The following NRG3 variants were observed in gnomAD, a reference collection of about 807,000 sequenced individuals.
NRG3 encodes neuregulin 3.
In NRG3, 31 loss-of-function variants were observed where a neutral mutation model predicts 66.9. The observed-to-expected ratio is 0.46, with a 90% confidence interval of 0.35 to 0.63. NRG3 has a LOEUF of 0.63. Ranked by LOEUF, NRG3 falls within the 20% of genes least tolerant of loss-of-function variation. The probability of loss-of-function intolerance (pLI) is 0.00; values close to 1 mark genes in which losing one functional copy is unlikely to be tolerated. For synonymous variants in NRG3, 393 were observed against 359.4 expected (o/e 1.09, Z -1.06); for missense variants, 910 against 878.9 (o/e 1.04, Z -0.45).
At chr10:82,145,486 T>C (rs1399875705) in intron 1 of NRG3, among the ~76,000 whole-genome samples, 1 of 152,214 alleles carries the variant, frequency 6.6e-6, no homozygotes. Flanking sequence ...AAATGTATAA[T>C]GTACCTGACA....
At chr10:82,722,946 C>T (rs2057392736) in intron 2 of NRG3, among the ~76,000 whole-genome samples, 2 of 152,044 alleles carry the variant, frequency 1.3e-5, no homozygotes, top group South Asian at 4.1e-4. Flanking sequence ...TACTGTTCAA[C>T]CCACCCGTCC....
chr10:82,379,955 A>C (rs929171831), intron 2 of NRG3, among the ~76,000 whole-genome samples: 18 of 151,882 alleles, frequency 1.2e-4, no homozygotes, highest in African/African-American at 4.3e-4. Flanking sequence ...AAAGCCACAA[A>C]TTCAACTACT....
chr10:82,885,002 T>C (rs1050030129), intron 4 of NRG3, among the ~76,000 whole-genome samples: 16 of 152,310 alleles, frequency 1.1e-4, no homozygotes, highest in Admixed American at 1.3e-4. Context: ...GGATGTCCCT[T>C]ATTTATTGTT....
At chr10:82,878,400 G>T (rs1397991044) in intron 4 of NRG3, among the ~76,000 whole-genome samples, 1 of 152,242 alleles carries the variant, frequency 6.6e-6, no homozygotes, top group Non-Finnish European at 1.5e-5. Context: ...GAGTTTGCCT[G>T]AAGGCACTGA....
At chr10:82,891,327 A>G (rs1843130957) in intron 4 of NRG3, among the ~76,000 whole-genome samples, 1 of 151,858 alleles carries the variant, frequency 6.6e-6, no homozygotes. Context: ...GTCCTCTTTA[A>G]TGTTTTCCAA....
intron 2 of NRG3, among the ~76,000 whole-genome samples, chr10:82,576,425 T>C (rs994118062): frequency 6.6e-6 from 1 of 151,584 alleles, no homozygotes; most frequent in Non-Finnish European, 1.5e-5. Flanking sequence ...ATATAATCTT[T>C]CCAATGGGCC....
chr10:82,963,686 A>C (rs986947814), intron 6 of NRG3, among the ~76,000 whole-genome samples: 5 of 152,132 alleles, frequency 3.3e-5, no homozygotes, highest in Non-Finnish European at 4.4e-5. Flanking sequence ...TCTCAAAAAA[A>C]AATAAAAAAG....
chr10:82,360,015 G>C lies in NRG3; in HGVS notation c.953+1147G>C, dbSNP rs573739224. 7.9e-5 allele frequency among the ~76,000 whole-genome samples: 12 copies of C among 152,286 alleles called. No homozygotes were observed. The East Asian group carries it at 2.1e-3, about 27-fold the overall frequency. ...ATACGTGATATAGTAGGAGGGCTCTGTAAAAGTTACCATATGTCCTGTGTC... is the reference window on the plus strand; with the variant it reads ...ATACGTGATATAGTAGGAGGGCTCTCTAAAAGTTACCATATGTCCTGTGTC... On this transcript the variant is annotated intron_variant, in intron 2 of 8. Transcript: ENST00000372141.
intron 2 of NRG3, among the ~76,000 whole-genome samples, chr10:82,674,620 G>T (rs1316138987): frequency 6.6e-6 from 1 of 152,110 alleles, no homozygotes; most frequent in Non-Finnish European, 1.5e-5. Context: ...TCTACTAGGA[G>T]GATGGTTCAT....
At chr10:82,726,395 G>A (rs1298767120) in intron 2 of NRG3, among the ~76,000 whole-genome samples, 1 of 152,124 alleles carries the variant, frequency 6.6e-6, no homozygotes, top group African/African-American at 2.4e-5. Context: ...GGGACCCAGT[G>A]GGAGGTAATT....
At chr10:82,206,533 G>A (rs12255352) in intron 1 of NRG3, among the ~76,000 whole-genome samples, 2,328 of 152,252 alleles carry the variant, frequency 0.015, 64 homozygotes, top group African/African-American at 0.053. Context: ...TCTTGAGATA[G>A]ATTTCTCTTG....
chr10:82,287,292 G>A (rs955489409), intron 1 of NRG3, among the ~76,000 whole-genome samples: 2 of 152,010 alleles, frequency 1.3e-5, no homozygotes, highest in African/African-American at 4.8e-5. Context: ...TCTTGTGCCT[G>A]TTTTCGCCTG....
chr10:82,013,156 G>C (rs1035939649), intron 1 of NRG3, among the ~76,000 whole-genome samples: 3 of 152,160 alleles, frequency 2.0e-5, no homozygotes, highest in African/African-American at 7.2e-5. Context: ...GGCTTGGGAG[G>C]CCTCACAAGC....
At position 81,876,163 on chromosome 10, in the gene NRG3, C is replaced by A. The variant is rs772528913; in HGVS notation, c.823C>A (p.His275Asn). Residue 275 changes from histidine (H) to asparagine (N), a missense_variant and splice_region_variant, in exon 1 of 9, where the codon CAT becomes AAT. His to Asn is a moderately conservative substitution (Grantham distance 68). Transcript: ENST00000372141. ...TPETSTSPKF[H>N]TTTYSTERSE... is the part of the protein sequence containing the mutation. ...AGAAACTAGCACCAGCCCCAAATTT[C>A]GTAAGTAAACACTGTGTCTCAACTA... 6.4e-7 allele frequency: 1 copy of A among 1,574,464 alleles called. No homozygotes were observed. Among genetic ancestry groups the A allele is most frequent in the East Asian group, 2.4e-5 (1 of 42,536 alleles).
intron 2 of NRG3, among the ~76,000 whole-genome samples, chr10:82,675,358 A>G (rs1347380751): frequency 6.6e-6 from 1 of 152,060 alleles, no homozygotes; most frequent in Non-Finnish European, 1.5e-5. Context: ...GTTATGGGAA[A>G]TGTTCCTCCT....
At chr10:82,498,841 T>C (rs1437544083) in intron 2 of NRG3, among the ~76,000 whole-genome samples, 1 of 152,068 alleles carries the variant, frequency 6.6e-6, no homozygotes, top group Non-Finnish European at 1.5e-5. Context: ...ACTTACAGAA[T>C]TTTTTTCGGT....
chr10:82,787,738 G>A (rs554383152), intron 3 of NRG3, among the ~76,000 whole-genome samples: 1 of 152,154 alleles, frequency 6.6e-6, no homozygotes, highest in Non-Finnish European at 1.5e-5. Flanking sequence ...TCTTTTTTCA[G>A]TGTGTAGGAA....
chr10:82,800,151 G>A (rs544787050), intron 3 of NRG3, among the ~76,000 whole-genome samples: 7 of 151,964 alleles, frequency 4.6e-5, no homozygotes, highest in African/African-American at 1.2e-4. Context: ...TGTCTCTATC[G>A]CCTTCTAGAC....
At chr10:82,265,179 G>A (rs1414726757) in intron 1 of NRG3, among the ~76,000 whole-genome samples, 1 of 152,144 alleles carries the variant, frequency 6.6e-6, no homozygotes, top group Admixed American at 6.5e-5. Context: ...TCACTTGAGG[G>A]CTCTAATTAT....
Sources: allele counts gnomAD v4.1 joint callset (sites outside exome capture counted in the v4.1 genomes callset), GRCh38; gene constraint gnomAD v4.1.1; transcripts MANE v1.5; gene names NCBI Gene and HGNC (gene_info 2026-07-23, HGNC 2026-07-21).